Variants in KIF6 observed in about 807,000 individuals in gnomAD.
KIF6 encodes the protein kinesin-like protein KIF6.
Under a neutral mutation model 112.7 loss-of-function variants are expected in KIF6, and 106 were observed. That is an observed-to-expected ratio of 0.94 (90% confidence interval 0.80 to 1.11). KIF6 has a LOEUF of 1.11. KIF6 is among the 50% of genes least tolerant of loss of function. The probability of loss-of-function intolerance (pLI) is 0.00; values close to 1 mark genes in which losing one functional copy is unlikely to be tolerated. For missense variants in KIF6, 929 were observed against 964.0 expected (o/e 0.96, Z 0.48); for synonymous variants, 339 against 339.9 (o/e 1.00, Z 0.03).
chr6:39,361,784 AG>A (rs1212355546), intron 17 of KIF6, among the ~76,000 whole-genome samples: 1 of 84,102 alleles, frequency 1.2e-5, no homozygotes, highest in African/African-American at 4.5e-5. Flanking sequence ...GTCGGGGGGC[AG>A]GGGCGGTGGT....
intron 3 of KIF6, among the ~76,000 whole-genome samples, chr6:39,703,944 C>G (rs1789032980): frequency 6.6e-6 from 1 of 152,146 alleles, no homozygotes; most frequent in Admixed American, 6.6e-5. Flanking sequence ...TGGAGGCTAT[C>G]AAGGTGAGAA....
chr6:39,471,143 C>G (rs1467879638), intron 13 of KIF6, among the ~76,000 whole-genome samples: 2 of 152,148 alleles, frequency 1.3e-5, no homozygotes, highest in African/African-American at 2.4e-5. Context: ...ATTTCCTTCT[C>G]TCCTGTTCTT....
At chr6:39,390,948 T>A (rs1358814377) in intron 15 of KIF6, among the ~76,000 whole-genome samples, 2 of 152,208 alleles carry the variant, frequency 1.3e-5, no homozygotes, top group Non-Finnish European at 2.9e-5. Flanking sequence ...TGTGTAATCC[T>A]TACACGGATT....
rs201292041 is a variant in KIF6 at position 39,506,537 on chromosome 6, C to A, written c.1645+33466G>T. On this transcript the variant is annotated intron_variant, in intron 13 of 22. Coordinates refer to ENST00000287152, the MANE Select transcript of KIF6 (RefSeq NM_145027.6). The stretch of plus-strand genomic sequence containing the variant: ...ATAAAAGTTGGAAAGTAAAAAAAAA[C>A]CAAATGTATATTTGGTCTCTGCCCC... Among the ~76,000 whole-genome samples the A allele has an allele frequency of 6.1e-4, 93 of 152,182 alleles. 4 individuals are homozygous for A. The South Asian group carries it at 7.3e-3, about 12-fold the overall frequency.
At chr6:39,626,180 T>C (rs1784084648) in intron 5 of KIF6, among the ~76,000 whole-genome samples, 1 of 152,156 alleles carries the variant, frequency 6.6e-6, no homozygotes, top group African/African-American at 2.4e-5. Context: ...ATCCAGGGCA[T>C]CTTGTCACTT....
chr6:39,371,436 C>G (rs1737138924), intron 16 of KIF6, among the ~76,000 whole-genome samples: 1 of 152,146 alleles, frequency 6.6e-6, no homozygotes, highest in African/African-American at 2.4e-5. Flanking sequence ...AGAGAGAGGC[C>G]AAGCTGTTTC....
intron 13 of KIF6, among the ~76,000 whole-genome samples, chr6:39,499,020 T>C (rs2150488543): frequency 6.6e-6 from 1 of 152,176 alleles, no homozygotes; most frequent in South Asian, 2.1e-4. Flanking sequence ...AACTACAGGG[T>C]GTGATATGGA....
At chr6:39,361,386 C>T (rs936129149) in intron 17 of KIF6, among the ~76,000 whole-genome samples, 6 of 151,648 alleles carry the variant, frequency 4.0e-5, no homozygotes, top group African/African-American at 1.5e-4. Flanking sequence ...ATGGTGAAAC[C>T]GTGTTTCTAC....
chr6:39,496,134 T>C (rs958717689), intron 13 of KIF6, among the ~76,000 whole-genome samples: 1 of 152,236 alleles, frequency 6.6e-6, no homozygotes, highest in Non-Finnish European at 1.5e-5. Context: ...CCTGCTCTGC[T>C]TCTTCGAATC....
intron 3 of KIF6, among the ~76,000 whole-genome samples, chr6:39,705,371 T>C (rs1789143384): frequency 6.6e-6 from 1 of 152,168 alleles, no homozygotes; most frequent in African/African-American, 2.4e-5. Context: ...GTGATTTTAG[T>C]CATTGAAAAG....
intron 5 of KIF6, among the ~76,000 whole-genome samples, chr6:39,633,835 G>A (rs1784477976): frequency 6.6e-6 from 1 of 152,160 alleles, no homozygotes; most frequent in African/African-American, 2.4e-5. Flanking sequence ...TTATATAACA[G>A]TTGTTTTCAA....
At chr6:39,434,697 G>A (rs1213240860) in intron 13 of KIF6, among the ~76,000 whole-genome samples, 1 of 152,118 alleles carries the variant, frequency 6.6e-6, no homozygotes, top group Admixed American at 6.6e-5. Flanking sequence ...GAGGGAGGGA[G>A]GGAGGCAGGG....
At chr6:39,585,363 A>G (rs1291285693) in intron 8 of KIF6, among the ~76,000 whole-genome samples, 4 of 152,124 alleles carry the variant, frequency 2.6e-5, no homozygotes, top group Non-Finnish European at 4.4e-5. Flanking sequence ...TAATGGCACC[A>G]CTGATTTGAC....
intron 16 of KIF6, among the ~76,000 whole-genome samples, chr6:39,384,740 T>C (rs964580142): frequency 6.6e-6 from 1 of 152,178 alleles, no homozygotes; most frequent in Non-Finnish European, 1.5e-5. Flanking sequence ...GCCCACACCA[T>C]CTCAAGGGGA....
chr6:39,338,102 G>A (rs772174923), intron 22 of KIF6, among the ~76,000 whole-genome samples: 4 of 152,236 alleles, frequency 2.6e-5, no homozygotes, highest in Non-Finnish European at 5.9e-5. Context: ...TTTGCTTAAA[G>A]TTTGGCTAAT....
At chr6:39,555,894 C>T (rs113962146) in intron 10 of KIF6, among the ~76,000 whole-genome samples, 3,148 of 138,860 alleles carry the variant, frequency 0.023, 122 homozygotes, top group African/African-American at 0.082. Context: ...GCAGAGATTG[C>T]GGTCAGCCAA....
In KIF6 at chr6:39,388,177, C is replaced by G. The variant is rs12200751; in HGVS notation, c.1811-2505G>C. Among the ~76,000 whole-genome samples, 540 of 152,302 alleles carry G rather than the reference C, an allele frequency of 3.5e-3. 3 individuals are homozygous for G. Among genetic ancestry groups the G allele is most frequent in the Non-Finnish European group, 5.4e-3 (364 of 68,020 alleles). On this transcript the variant is annotated intron_variant, in intron 15 of 22. Coordinates refer to ENST00000287152, the MANE Select transcript of KIF6 (RefSeq NM_145027.6). ...ACATGCTTCCTCAAGTCTGTGCCTC[C>G]AAACCCCATGCCTTGACCAGAGTAG... is the stretch of plus-strand genomic sequence containing the variant.
chr6:39,481,659 A>G (rs1404510966), intron 13 of KIF6, among the ~76,000 whole-genome samples: 2 of 152,156 alleles, frequency 1.3e-5, no homozygotes, highest in African/African-American at 4.8e-5. Flanking sequence ...AGGGCTCCCC[A>G]CAAACTCACC....
chr6:39,394,512 G>A (rs2150328932), intron 15 of KIF6, among the ~76,000 whole-genome samples: 1 of 152,326 alleles, frequency 6.6e-6, no homozygotes, highest in East Asian at 1.9e-4. Context: ...AGAAGTGAAG[G>A]TGGAAGACAG....
Sources: gnomAD v4.1 joint callset for allele counts (sites outside exome capture counted in the v4.1 genomes callset) on GRCh38, gnomAD v4.1.1 for gene constraint, MANE v1.5 for transcripts, NCBI Gene and HGNC (gene_info 2026-07-23, HGNC 2026-07-21) for gene names.